RAD51AP2: variants seen among roughly 807,000 people sequenced by gnomAD.
RAD51AP2 encodes RAD51-associated protein 2.
In RAD51AP2, 67 loss-of-function variants were observed where a neutral mutation model predicts 85.5. The observed-to-expected ratio is 0.78, with a 90% CI of 0.64 to 0.96. RAD51AP2 has a LOEUF of 0.96. Among genes scored for constraint, RAD51AP2 ranks in the 40% least tolerant of loss-of-function variants. The pLI is 0.00. For synonymous variants in RAD51AP2, 474 were observed against 446.5 expected (o/e 1.06, Z -0.78); for missense variants, 1,307 against 1,332.4 (o/e 0.98, Z 0.30).
the RAD51AP2 span, among the ~76,000 whole-genome samples, chr2:17,525,820 T>C: frequency 6.6e-6 from 1 of 151,958 alleles, no homozygotes; most frequent in Non-Finnish European, 1.5e-5. Flanking sequence ...TAGAAAACCA[T>C]AGATATAGAA....
Position 17,510,775 on chromosome 2 carries a change from A to G in RAD51AP2, c.*29T>C. ...TCCAAAGAAAACAAAACATTTCTAG[A>G]TGTTGTAAAATGTTTTGAAATATGA... On this transcript the variant is annotated 3_prime_UTR_variant, in exon 3 of 3. Transcript: ENST00000399080. The G allele has an allele frequency of 2.1e-6, 3 of 1,436,610 alleles. No individual in the cohort carries two copies. The highest frequency in any genetic ancestry group is 4.2e-5 in the Admixed American group (2 of 47,080). 89.0% of individuals were successfully genotyped at this position (1,436,610 alleles called of 1,614,324 possible). A position where few individuals can be genotyped will look rare whatever the true frequency, so the allele number is the denominator to read the frequency against.
intron 2 of RAD51AP2, among the ~76,000 whole-genome samples, chr2:17,513,439 G>C (rs142789279): frequency 6.6e-6 from 1 of 151,830 alleles, no homozygotes. Context: ...GGTTTTCACC[G>C]TGTTAGCCAG....
rs575308098 is a variant in RAD51AP2, at chr2:17,516,315, A to G, written c.2101T>C (p.Ser701Pro). The change falls in exon 1 of 3, where the codon TCT (serine) becomes CCT (proline). Residue 701 changes from serine (S) to proline (P), a missense_variant. By Grantham distance (74) the Ser-to-Pro change is moderately conservative. This residue lies in a region of RAD51AP2 where 668 missense variants were observed against 671.0 expected (regional missense o/e 1.00). Transcript: ENST00000399080. The part of the protein sequence containing the change: ...LMDFDDMDEI[S>P]LIREITCQNM... ...TGACAAGTAATTTCTCTTATTAAAG[A>G]AATTTCATCCATGTCATCAAAGTCC... 7.1e-5 allele frequency: 114 copies of G among 1,605,058 alleles called. 1 individual carries two copies. The East Asian group carries it at 2.4e-3, about 34-fold the overall frequency.
intron 2 of RAD51AP2, among the ~76,000 whole-genome samples, chr2:17,512,591 C>T (rs987902825): frequency 6.6e-6 from 1 of 152,182 alleles, no homozygotes; most frequent in African/African-American, 2.4e-5. Context: ...TATCTTCCTC[C>T]TATATCCATT....
the RAD51AP2 span, among the ~76,000 whole-genome samples, chr2:17,532,470 TA>T: frequency 6.6e-6 from 1 of 152,056 alleles, no homozygotes; most frequent in Non-Finnish European, 1.5e-5. Context: ...AGGAATTTTG[TA>T]TGAGTTTGAG....
At chr2:17,530,905 C>G in the RAD51AP2 span, among the ~76,000 whole-genome samples, 4,474 of 152,198 alleles carry the variant, frequency 0.029, 66 homozygotes, top group Middle Eastern at 0.054. Flanking sequence ...TTTCAAAATG[C>G]TCATGCTCTC....
chr2:17,518,354 G>C lies in RAD51AP2; in HGVS notation c.62C>G (p.Thr21Arg). 6.2e-7 allele frequency: 1 copy of C among 1,614,024 alleles called. No homozygotes were observed. Among genetic ancestry groups the C allele is most frequent in the Non-Finnish European group, 8.5e-7 (1 of 1,180,018 alleles). Residue 21 changes from threonine to arginine, a missense_variant, in exon 1 of 3, where the codon ACG becomes AGG. Coordinates refer to ENST00000399080, the MANE Select transcript of RAD51AP2 (RefSeq NM_001099218.3). ...AELRKPTSSL[T>R]PPEDPDSQPP... The stretch of plus-strand genomic sequence containing the variant: ...TTGGGAATCCGGGTCCTCAGGAGGC[G>C]TTAAAGAGGAGGTAGGCTTTCTGAG...
chr2:17,529,126 T>A, the RAD51AP2 span, among the ~76,000 whole-genome samples: 1 of 152,098 alleles, frequency 6.6e-6, no homozygotes, highest in African/African-American at 2.4e-5. Flanking sequence ...CTTAAATACT[T>A]TCATAGTATA....
At chr2:17,537,771 AT>A in the RAD51AP2 span, among the ~76,000 whole-genome samples, 4 of 152,138 alleles carry the variant, frequency 2.6e-5, no homozygotes, top group Admixed American at 2.6e-4. Flanking sequence ...TACTGTTGGT[AT>A]TGTTTGTTTG....
At chr2:17,522,034 C>T (rs942954078), upstream of RAD51AP2, among the ~76,000 whole-genome samples, 4 of 151,906 alleles carry the variant, frequency 2.6e-5, no homozygotes, top group Admixed American at 1.3e-4. Context: ...TTGTAATAAA[C>T]CAGTCTTCAT....
At chr2:17,523,148 A>AT (rs1662893305), upstream of RAD51AP2, among the ~76,000 whole-genome samples, 1 of 151,914 alleles carries the variant, frequency 6.6e-6, no homozygotes, top group East Asian at 1.9e-4. Context: ...TGCTGGGTAA[A>AT]GTAAATGAAA....
At chr2:17,515,007 G>GA (rs11421369) in intron 1 of RAD51AP2, among the ~76,000 whole-genome samples, 162 bp downstream of exon 1, 45,136 of 137,724 alleles carry the variant, frequency 0.33, 8,548 homozygotes, top group East Asian at 0.86. Flanking sequence ...CTTCTTGCTG[G>GA]AAAAAAAAAA....
At chr2:17,536,534 G>A in the RAD51AP2 span, among the ~76,000 whole-genome samples, 3 of 152,198 alleles carry the variant, frequency 2.0e-5, no homozygotes, top group African/African-American at 7.2e-5. Context: ...CACACTACCT[G>A]TATTTGCTAT....
At chr2:17,528,456 A>G in the RAD51AP2 span, among the ~76,000 whole-genome samples, 1 of 152,202 alleles carries the variant, frequency 6.6e-6, no homozygotes, top group Non-Finnish European at 1.5e-5. Context: ...TTTTCCTTAA[A>G]AAGAATGAGA....
chr2:17,532,574 C>G, the RAD51AP2 span, among the ~76,000 whole-genome samples: 1 of 151,982 alleles, frequency 6.6e-6, no homozygotes, highest in Non-Finnish European at 1.5e-5. Flanking sequence ...GTTTTAGTGT[C>G]CAGAACAAAC....
chr2:17,518,800 G>A (rs1662788968), upstream of RAD51AP2, among the ~76,000 whole-genome samples: 1 of 152,002 alleles, frequency 6.6e-6, no homozygotes, highest in Non-Finnish European at 1.5e-5. Context: ...AAAAATTTGT[G>A]AATGGTAACA....
the RAD51AP2 span, among the ~76,000 whole-genome samples, chr2:17,534,900 A>G: frequency 6.6e-6 from 1 of 152,200 alleles, no homozygotes; most frequent in East Asian, 1.9e-4. Flanking sequence ...CATATCAAAG[A>G]ACCTTAAATT....
Position 17,518,328 on chromosome 2 carries a change from G to T in RAD51AP2, c.88C>A (p.Pro30Thr), listed in dbSNP as rs781037458. ...LTPPEDPDSQ[P>T]PSSKRLCLEE... is the part of the protein sequence containing the mutation. The stretch of plus-strand genomic sequence containing the variant: ...AGACAGAGCCGCTTGCTACTAGGTG[G>T]TTGGGAATCCGGGTCCTCAGGAGGC... The change falls in exon 1 of 3, where the codon CCA becomes ACA. Residue 30 changes from proline to threonine, a missense_variant. Transcript: ENST00000399080. 1 of 1,614,150 alleles carries T rather than the reference G, an allele frequency of 6.2e-7. No homozygotes were observed. The highest frequency in any genetic ancestry group is 2.2e-5 in the East Asian group (1 of 44,874).
In RAD51AP2 at chr2:17,516,353, A is replaced by T; in HGVS notation, c.2063T>A (p.Ile688Asn). ...GTCATCAAAGTCCATTAAAAGGGGA[A>T]TTTTTTCATATGTTTCAAAAATCGG... ...GFPIFETYEK[I>N]PLLMDFDDMD... The change falls in exon 1 of 3, where the codon ATT becomes AAT. Residue 688 changes from isoleucine (I) to asparagine (N), a missense_variant. By Grantham distance (149) the Ile-to-Asn change is moderately radical (BLOSUM62 -3). Around this residue, in one of 3 missense-constraint regions of RAD51AP2, gnomAD observed 668 missense variants for 671.0 expected, o/e 1.00. Coordinates refer to ENST00000399080, the MANE Select transcript of RAD51AP2 (RefSeq NM_001099218.3). The T allele has an allele frequency of 6.2e-7, 1 of 1,611,802 alleles. No individual in the cohort carries two copies. The highest frequency in any genetic ancestry group is 8.5e-7 in the Non-Finnish European group (1 of 1,179,266).
Sources: allele counts gnomAD v4.1 joint callset (sites outside exome capture counted in the v4.1 genomes callset), GRCh38; gene constraint gnomAD v4.1.1; regional missense constraint gnomAD v4.1.1; transcripts MANE v1.5; gene names NCBI Gene and HGNC (gene_info 2026-07-23, HGNC 2026-07-21).